DDX53: variants seen among roughly 807,000 people sequenced by gnomAD.
DDX53 encodes the protein DEAD-box helicase 53.
For missense variants in DDX53, 481 were observed against 485.1 expected (o/e 0.99, Z 0.08); for synonymous variants, 179 against 170.8 (o/e 1.05, Z -0.37).
In DDX53 at chrX:23,000,137, G is replaced by T; in HGVS notation, c.80G>T (p.Ser27Ile). ...DLGASWDVRG[S>I]RGSGWSGPFG... ...GGGGCCAGCTGGGATGTCAGGGGCA[G>T]CAGAGGCAGTGGCTGGAGTGGCCCC... Residue 27 changes from serine to isoleucine, a missense_variant, in exon 1 of 1, where the codon AGC becomes ATC. By Grantham distance (142) the Ser-to-Ile change is moderately radical. Transcript: ENST00000327968. 8.4e-7 allele frequency: 1 copy of T among 1,193,829 alleles called. No individual in the cohort carries two copies.
In DDX53 at chrX:23,000,343, T is replaced by G; in HGVS notation, c.286T>G (p.Phe96Val). ...GGAATCTGAAGCAAAAGTCAGAATT[T>G]TTGGCAATAGGGAAATGAAAGCAAA... ...NGESEAKVRI[F>V]GNREMKAKAK... Residue 96 changes from phenylalanine (F) to valine (V), a missense_variant, in exon 1 of 1, where the codon TTT becomes GTT. Phe to Val is a conservative substitution (Grantham distance 50, BLOSUM62 -1). Coordinates refer to ENST00000327968, the MANE Select transcript of DDX53 (RefSeq NM_182699.4). 8.3e-7 allele frequency: 1 copy of G among 1,208,048 alleles called. No individual in the cohort carries two copies.
chrX:23,001,714 C>G lies in DDX53; in HGVS notation c.1657C>G (p.His553Asp), dbSNP rs756234554. ...DFPRNIDVYVHRVGYIGRTGK... is the reference protein window; with the variant it reads ...DFPRNIDVYVDRVGYIGRTGK... ...CCCAAGGAATATTGACGTATATGTA[C>G]ACAGAGTAGGGTACATTGGACGGAC... Residue 553 changes from histidine to aspartate, a missense_variant, in exon 1 of 1, where the codon CAC (histidine) becomes GAC (aspartate). Coordinates refer to ENST00000327968, the MANE Select transcript of DDX53 (RefSeq NM_182699.4). The G allele has an allele frequency of 3.1e-5, 37 of 1,209,155 alleles. No individual in the cohort carries two copies. The East Asian group carries it at 1.1e-3, about 35-fold the overall frequency.
chrX:23,001,929 C>G lies in DDX53; in HGVS notation c.1872C>G (p.Arg624=). The part of the protein sequence containing the change: ...ETRSRKPGQR[R]KEFYFLS The stretch of plus-strand genomic sequence containing the variant: ...GATCAAGAAAACCTGGACAAAGACG[C>G]AAGGAGTTTTATTTTTTAAGTTGAA... Residue 624 remains arginine, a synonymous_variant, in exon 1 of 1, where the codon CGC becomes CGG. Coordinates refer to ENST00000327968, the MANE Select transcript of DDX53 (RefSeq NM_182699.4). 8.4e-7 allele frequency: 1 copy of G among 1,191,199 alleles called. No homozygotes were observed. The highest frequency in any genetic ancestry group is 1.1e-6 in the Non-Finnish European group (1 of 887,804).
In DDX53 at chrX:23,000,922, A is replaced by G. The variant is rs917193512; in HGVS notation, c.865A>G (p.Ile289Val). ...PGFIHLDSQP[I>V]SREQRNGPGM... Reference sequence around the variant, plus strand: ...GTTTATTCATCTTGATTCTCAACCAATATCTAGAGAGCAAAGGAATGGGCC... The same window carrying G: ...GTTTATTCATCTTGATTCTCAACCAGTATCTAGAGAGCAAAGGAATGGGCC... The change falls in exon 1 of 1, where the codon ATA (isoleucine) becomes GTA (valine). Residue 289 changes from isoleucine to valine, a missense_variant. Physicochemically the swap from Ile to Val is conservative, Grantham distance 29. Coordinates refer to ENST00000327968, the MANE Select transcript of DDX53 (RefSeq NM_182699.4). The G allele has an allele frequency of 7.5e-6, 9 of 1,207,458 alleles. No homozygotes were observed. Among genetic ancestry groups the G allele is most frequent in the Admixed American group, 2.2e-5 (1 of 45,624 alleles).
At position 23,000,722 on chromosome X, in the gene DDX53, G is replaced by A. The variant is rs773810921; in HGVS notation, c.665G>A (p.Arg222Lys). ...EKRLIPKPTC[R>K]FKDAFQQYPD... ...CGTCTCATTCCAAAACCAACTTGCAGGTTTAAAGACGCTTTTCAGCAATAC... is the reference window on the plus strand; with the variant it reads ...CGTCTCATTCCAAAACCAACTTGCAAGTTTAAAGACGCTTTTCAGCAATAC... Residue 222 changes from arginine to lysine, a missense_variant, in exon 1 of 1, where the codon AGG becomes AAG. Physicochemically the swap from Arg to Lys is conservative, Grantham distance 26 (BLOSUM62 2). Transcript: ENST00000327968. 8.3e-7 allele frequency: 1 copy of A among 1,211,690 alleles called. No homozygotes were observed. The highest frequency in any genetic ancestry group is 1.8e-5 in the South Asian group (1 of 56,879).
At position 23,002,467 on chromosome X, in the gene DDX53, T is replaced by C. The variant is rs1933831527; in HGVS notation, c.*514T>C. On this transcript the variant is annotated 3_prime_UTR_variant, in exon 1 of 1. Coordinates refer to ENST00000327968, the MANE Select transcript of DDX53 (RefSeq NM_182699.4). ...CATGGGGGTTTATCAACTTTCAATATTGTGTATGCTCCTTAATTTTAAAAA... is the reference window on the plus strand; with the variant it reads ...CATGGGGGTTTATCAACTTTCAATACTGTGTATGCTCCTTAATTTTAAAAA... 2 of 122,510 alleles carry C rather than the reference T, an allele frequency of 1.6e-5. No homozygotes were observed. Among genetic ancestry groups the C allele is most frequent in the Non-Finnish European group, 3.8e-5 (2 of 52,834 alleles). 10.1% of individuals were successfully genotyped at this position (122,510 alleles called of 1,213,427 possible).
In DDX53 at chrX:23,001,093, G is replaced by A; in HGVS notation, c.1036G>A (p.Val346Ile). 1 of 1,211,010 alleles carries A rather than the reference G, an allele frequency of 8.3e-7. No homozygotes were observed. Among genetic ancestry groups the A allele is most frequent in the Non-Finnish European group, 1.1e-6 (1 of 895,176 alleles). ...NGQIEDISKG[V>I]DIIIATPGRL... ...ACAAATAGAAGACATTAGCAAAGGT[G>A]TAGATATCATTATTGCAACTCCTGG... Residue 346 changes from valine to isoleucine, a missense_variant, in exon 1 of 1, where the codon GTA (valine) becomes ATA (isoleucine). Val to Ile is a conservative substitution (Grantham distance 29). Coordinates refer to ENST00000327968, the MANE Select transcript of DDX53 (RefSeq NM_182699.4).
chrX:23,000,868 G>A lies in DDX53; in HGVS notation c.811G>A (p.Gly271Arg). ...DLIVVAQTGT[G>R]KTLSYLMPGF... ...TATAGTAGTTGCACAAACCGGAACA[G>A]GGAAAACATTGTCCTATCTAATGCC... Residue 271 changes from glycine (G) to arginine (R), a missense_variant, in exon 1 of 1, where the codon GGG becomes AGG. By Grantham distance (125) the Gly-to-Arg change is moderately radical. Transcript: ENST00000327968. The A allele has an allele frequency of 8.3e-7, 1 of 1,211,261 alleles. No homozygotes were observed. The highest frequency in any genetic ancestry group is 1.1e-6 in the Non-Finnish European group (1 of 895,333).
At position 23,003,467 on chromosome X, in the gene DDX53, C is replaced by G. The variant is rs951341307; in HGVS notation, c.*1514C>G. The G allele has an allele frequency of 2.4e-5, 3 of 123,219 alleles. No individual in the cohort carries two copies. The highest frequency in any genetic ancestry group is 9.5e-5 in the Admixed American group (1 of 10,576). 10.2% of individuals were successfully genotyped at this position (123,219 alleles called of 1,213,427 possible). A position where few individuals can be genotyped will look rare whatever the true frequency, so the allele number is the denominator to read the frequency against. Reference sequence around the variant, plus strand: ...ATTAATTTAGAGGTCTCTTTTACCTCTAAAATTCGGTGACATTATAACTAA... The same window carrying G: ...ATTAATTTAGAGGTCTCTTTTACCTGTAAAATTCGGTGACATTATAACTAA... On this transcript the variant is annotated 3_prime_UTR_variant, in exon 1 of 1. Transcript: ENST00000327968.
In DDX53 at chrX:23,000,185, C is replaced by T. The variant is rs1338852500; in HGVS notation, c.128C>T (p.Ala43Val). ...SGPFGHQGPR[A>V]AGSREPPLCF... ...CCCTTCGGCCATCAGGGACCGAGAG[C>T]AGCAGGCTCCCGTGAACCACCACTC... Residue 43 changes from alanine to valine, a missense_variant, in exon 1 of 1, where the codon GCA becomes GTA. Physicochemically the swap from Ala to Val is moderately conservative, Grantham distance 64. Coordinates refer to ENST00000327968, the MANE Select transcript of DDX53 (RefSeq NM_182699.4). 2 of 1,199,784 alleles carry T rather than the reference C, an allele frequency of 1.7e-6. No homozygotes were observed. Among genetic ancestry groups the T allele is most frequent in the Non-Finnish European group, 2.3e-6 (2 of 888,331 alleles).
rs199978716 is a variant in DDX53 at position 23,000,403 on chromosome X, C to G, written c.346C>G (p.Gln116Glu). The G allele has an allele frequency of 1.4e-5, 17 of 1,208,077 alleles. No individual in the cohort carries two copies. Among genetic ancestry groups the G allele is most frequent in the Non-Finnish European group, 1.9e-5 (17 of 894,744 alleles). ...GGCTATAGAAACACTTATTAGAAAACAAGAAAGCTACAACTCAGAATCCAG... is the reference window on the plus strand; with the variant it reads ...GGCTATAGAAACACTTATTAGAAAAGAAGAAAGCTACAACTCAGAATCCAG... The part of the protein sequence containing the change: ...KAAIETLIRK[Q>E]ESYNSESSVD... Residue 116 changes from glutamine to glutamate, a missense_variant, in exon 1 of 1, where the codon CAA becomes GAA. Gln to Glu is a conservative substitution (Grantham distance 29, BLOSUM62 2). Coordinates refer to ENST00000327968, the MANE Select transcript of DDX53 (RefSeq NM_182699.4).
Position 23,000,641 on chromosome X carries a change from A to G in DDX53, c.584A>G (p.Asn195Ser), listed in dbSNP as rs756115970. The part of the protein sequence containing the change: ...TSCMSEMQVI[N>S]WRKENFNITC... ...TGCATGTCTGAAATGCAGGTGATTA[A>G]CTGGAGAAAGGAAAATTTCAACATA... Residue 195 changes from asparagine (N) to serine (S), a missense_variant, in exon 1 of 1, where the codon AAC becomes AGC. Coordinates refer to ENST00000327968, the MANE Select transcript of DDX53 (RefSeq NM_182699.4). 1.3e-5 allele frequency: 16 copies of G among 1,210,727 alleles called. No individual in the cohort carries two copies. The highest frequency in any genetic ancestry group is 5.3e-5 in the South Asian group (3 of 56,826).
chrX:23,000,764 G>T lies in DDX53; in HGVS notation c.707G>T (p.Ser236Ile). ...CAGCAATACCCTGATCTTCTGAAAA[G>T]CATAATAAGGGTAGGGATTGTAAAG... is the stretch of plus-strand genomic sequence containing the variant. ...AFQQYPDLLK[S>I]IIRVGIVKPT... Residue 236 changes from serine to isoleucine, a missense_variant, in exon 1 of 1, where the codon AGC (serine) becomes ATC (isoleucine). Ser to Ile is a moderately radical substitution (Grantham distance 142). Coordinates refer to ENST00000327968, the MANE Select transcript of DDX53 (RefSeq NM_182699.4). 8.3e-7 allele frequency: 1 copy of T among 1,211,888 alleles called. No individual in the cohort carries two copies. The highest frequency in any genetic ancestry group is 1.1e-6 in the Non-Finnish European group (1 of 895,498).
Position 23,000,734 on chromosome X carries a change from C to T in DDX53, c.677C>T (p.Ala226Val). The change falls in exon 1 of 1, where the codon GCT (alanine) becomes GTT (valine). Residue 226 changes from alanine to valine, a missense_variant. Transcript: ENST00000327968. Reference protein sequence around the residue: ...IPKPTCRFKDAFQQYPDLLKS... With the variant: ...IPKPTCRFKDVFQQYPDLLKS... The stretch of plus-strand genomic sequence containing the variant: ...AAACCAACTTGCAGGTTTAAAGACG[C>T]TTTTCAGCAATACCCTGATCTTCTG... 2 of 1,211,625 alleles carry T rather than the reference C, an allele frequency of 1.7e-6. No homozygotes were observed. The highest frequency in any genetic ancestry group is 2.2e-6 in the Non-Finnish European group (2 of 895,424).
At position 23,002,531 on chromosome X, in the gene DDX53, A is replaced by G. The variant is rs1185467362; in HGVS notation, c.*578A>G. The stretch of plus-strand genomic sequence containing the variant: ...AGAGAGTGAGAGACTATGTGAAGAG[A>G]AAGTAAATGTTACGTGTTGGTTAAA... On this transcript the variant is annotated 3_prime_UTR_variant, in exon 1 of 1. Coordinates refer to ENST00000327968, the MANE Select transcript of DDX53 (RefSeq NM_182699.4). 5 of 118,002 alleles carry G rather than the reference A, an allele frequency of 4.2e-5. No homozygotes were observed. Among genetic ancestry groups the G allele is most frequent in the African/African-American group, 1.4e-4 (4 of 28,552 alleles). The allele number at this position is 118,002 out of a possible 1,213,427, so 9.7% of individuals were successfully genotyped here.
rs775411888 is a variant in DDX53 at position 23,001,417 on chromosome X, C to G, written c.1360C>G (p.Arg454Gly). 5.0e-6 allele frequency: 6 copies of G among 1,207,910 alleles called. No individual in the cohort carries two copies. The South Asian group carries it at 8.9e-5, about 18-fold the overall frequency. The change falls in exon 1 of 1, where the codon CGA (arginine) becomes GGA (glycine). Residue 454 changes from arginine (R) to glycine (G), a missense_variant. Coordinates refer to ENST00000327968, the MANE Select transcript of DDX53 (RefSeq NM_182699.4). ...NIIVTTEKEK[R>G]ALTQEFVENM... ...AATTGTTACCACAGAAAAAGAAAAACGAGCTCTCACCCAAGAATTCGTAGA... is the reference window on the plus strand; with the variant it reads ...AATTGTTACCACAGAAAAAGAAAAAGGAGCTCTCACCCAAGAATTCGTAGA...
At position 23,001,629 on chromosome X, in the gene DDX53, T is replaced by C. The variant is rs1933814462; in HGVS notation, c.1572T>C (p.Thr524=). Residue 524 remains threonine (T), a synonymous_variant, in exon 1 of 1, where the codon ACT becomes ACC. Transcript: ENST00000327968. The part of the protein sequence containing the change: ...KSGNIKILIT[T]DIVSRGLDLN... ...GAAACATAAAGATACTGATTACAAC[T>C]GATATAGTATCCCGAGGTCTTGATC... 2 of 1,210,789 alleles carry C rather than the reference T, an allele frequency of 1.7e-6. No homozygotes were observed. The highest frequency in any genetic ancestry group is 3.5e-5 in the African/African-American group (2 of 57,812).
Position 23,001,965 on chromosome X carries a change from A to C in DDX53, c.*12A>C. The C allele has an allele frequency of 8.7e-7, 1 of 1,154,750 alleles. No individual in the cohort carries two copies. The highest frequency in any genetic ancestry group is 1.2e-6 in the Non-Finnish European group (1 of 862,582). On this transcript the variant is annotated 3_prime_UTR_variant, in exon 1 of 1. Transcript: ENST00000327968. ...ATTTTTTAAGTTGAAAAGTTGTACC[A>C]GGCTACTGGAAGATTCCAGGCATGT...
rs747399338 is a variant in DDX53 at position 23,001,328 on chromosome X, A to G, written c.1271A>G (p.Asp424Gly). 8.3e-7 allele frequency: 1 copy of G among 1,211,679 alleles called. No homozygotes were observed. Among genetic ancestry groups the G allele is most frequent in the Non-Finnish European group, 1.1e-6 (1 of 895,336 alleles). ...CAACTAGCACTTTCTTATTTGAAAG[A>G]TCCTATGATTGTTTATGTTGGTAAT... ...VRQLALSYLK[D>G]PMIVYVGNLN... Residue 424 changes from aspartate to glycine, a missense_variant, in exon 1 of 1, where the codon GAT becomes GGT. Transcript: ENST00000327968.
Sources: allele counts gnomAD v4.1 joint callset, GRCh38; gene constraint gnomAD v4.1.1; transcripts MANE v1.5; gene names NCBI Gene and HGNC (gene_info 2026-07-23, HGNC 2026-07-21).